MGAT3: variants seen among roughly 807,000 people sequenced by gnomAD.
MGAT3 encodes beta-1,4-mannosyl-glycoprotein 4-beta-N-acetylglucosaminyltransferase.
MGAT3 carries 9 observed loss-of-function variants against 29.8 expected under a neutral mutation model. The ratio of observed to expected loss-of-function variants is 0.30; its 90% CI spans 0.18 to 0.53. The LOEUF (loss-of-function observed/expected upper bound fraction) is 0.53. Ranked by LOEUF, MGAT3 falls within the 20% of genes least tolerant of loss-of-function variation. The probability of loss-of-function intolerance (pLI) is 0.96; values close to 1 mark genes in which losing one functional copy is unlikely to be tolerated. For missense variants in MGAT3, 557 were observed against 769.5 expected (o/e 0.72, Z 3.27); for synonymous variants, 397 against 348.9 (o/e 1.14, Z -1.54).
rs78401080 is a variant in MGAT3 at position 39,475,616 on chromosome 22, G to A, written c.-1-11731G>A. Among the ~76,000 whole-genome samples the A allele has an allele frequency of 3.2e-3, 485 of 152,286 alleles. 2 individuals carry two copies. Among genetic ancestry groups the A allele is most frequent in the African/African-American group, 0.011 (474 of 41,562 alleles). ...CTGGCCCTCCCCTTCATCACGGGCC[G>A]TCTCTCAGGCTTGGCGCCCTGGGAT... is the stretch of plus-strand genomic sequence containing the variant. On this transcript the variant is annotated intron_variant, in intron 1 of 1. Transcript: ENST00000341184.
intron 1 of MGAT3, chr22:39,472,690 C>G (rs1371633559): frequency 6.6e-6 from 1 of 152,264 alleles, no homozygotes; most frequent in East Asian, 1.9e-4. Flanking sequence ...GTGAGGTGAC[C>G]TAGCTGGAAA....
chr22:39,479,159 A>G (rs949406878), intron 1 of MGAT3, among the ~76,000 whole-genome samples: 3 of 152,322 alleles, frequency 2.0e-5, no homozygotes, highest in Admixed American at 1.3e-4. Flanking sequence ...CAATGTAGGG[A>G]GACCTCCTCT....
At chr22:39,458,485 CG>C (rs1363641128) in intron 1 of MGAT3, among the ~76,000 whole-genome samples, 1 of 151,760 alleles carries the variant, frequency 6.6e-6, no homozygotes, top group Non-Finnish European at 1.5e-5. Flanking sequence ...ACTGGCGTGT[CG>C]TTTGGGGAGG....
chr22:39,460,428 C>A (rs1467354695), intron 1 of MGAT3, among the ~76,000 whole-genome samples: 1 of 152,174 alleles, frequency 6.6e-6, no homozygotes, highest in Non-Finnish European at 1.5e-5. Flanking sequence ...CGGTTCAAAT[C>A]CCGGCCCTGC....
In MGAT3 at chr22:39,487,630, C is replaced by CGG. The variant is rs1569006487; in HGVS notation, c.285_286dup (p.Val96GlyfsTer59). The CGG allele has an allele frequency of 6.2e-7, 1 of 1,611,488 alleles. No homozygotes were observed. Reference sequence around the variant, plus strand: ...CAGCAAGGCGGCCGAGGAGCTCCACCGGGTGGACTTGGTGCTGCCCGAGGA... The same window carrying CGG: ...CAGCAAGGCGGCCGAGGAGCTCCACCGGGGGTGGACTTGGTGCTGCCCGAGGA... On this transcript the variant is annotated frameshift_variant, in exon 2 of 2. Coordinates refer to ENST00000341184, the MANE Select transcript of MGAT3 (RefSeq NM_002409.5). LOFTEE classifies it high-confidence loss of function. The surrounding 1 kb of genome is among the most constrained non-coding windows in gnomAD (Gnocchi z 5.7).
In MGAT3 at chr22:39,457,778, C is replaced by T. The variant is rs1363529613; in HGVS notation, c.-2+221C>T. Among the ~76,000 whole-genome samples, 1 of 151,012 alleles carries T rather than the reference C, an allele frequency of 6.6e-6. No homozygotes were observed. Among genetic ancestry groups the T allele is most frequent in the Non-Finnish European group, 1.5e-5 (1 of 67,510 alleles). On this transcript the variant is annotated intron_variant, in intron 1 of 1. Transcript: ENST00000341184. This position sits in a 1 kb window ranked among gnomAD's most constrained non-coding sequence, Gnocchi z 6.8. ...TCGGCGCGGGCCCCCTCCCCCTACC[C>T]GCCGCTCCTCCGAGCTCCCCGGTCC...
intron 1 of MGAT3, chr22:39,472,825 A>T (rs926593283): frequency 1.3e-5 from 2 of 152,292 alleles, no homozygotes; most frequent in African/African-American, 4.8e-5. Flanking sequence ...AACTGCTGCC[A>T]TAGAGCCTTG....
chr22:39,464,345 G>T (rs1928577528), intron 1 of MGAT3, among the ~76,000 whole-genome samples: 1 of 152,240 alleles, frequency 6.6e-6, no homozygotes, highest in Non-Finnish European at 1.5e-5. Flanking sequence ...AGAGCTGCAG[G>T]TGACTGGGGA....
At position 39,488,244 on chromosome 22, in the gene MGAT3, C is replaced by T. The variant is rs148481219; in HGVS notation, c.897C>T (p.Asp299=). The T allele has an allele frequency of 1.0e-4, 168 of 1,611,698 alleles. No individual in the cohort carries two copies. The African/African-American group carries it at 1.8e-3, about 17-fold the overall frequency. The part of the protein sequence containing the change: ...DDYLRTFLTQ[D]GVSRLRNLRP... Reference sequence around the variant, plus strand: ...ACCTGCGCACCTTCCTCACCCAGGACGGCGTCTCGCGGCTGCGCAACCTGC... The same window carrying T: ...ACCTGCGCACCTTCCTCACCCAGGATGGCGTCTCGCGGCTGCGCAACCTGC... The change falls in exon 2 of 2, where the codon GAC becomes GAT. Residue 299 remains aspartate, a synonymous_variant. Coordinates refer to ENST00000341184, the MANE Select transcript of MGAT3 (RefSeq NM_002409.5).
Position 39,487,392 on chromosome 22 carries a change from C to T in MGAT3, c.45C>T (p.Ala15=), listed in dbSNP as rs754167788. The change falls in exon 2 of 2, where the codon GCC becomes GCT. Residue 15 remains alanine (A), a synonymous_variant. Transcript: ENST00000341184. This position sits in a 1 kb window ranked among gnomAD's most constrained non-coding sequence, Gnocchi z 5.7. ...RYKLFLMFCM[A]GLCLISFLHF... is the part of the protein sequence containing the mutation. ...AGCTCTTTCTCATGTTCTGTATGGC[C>T]GGCCTGTGCCTCATCTCCTTCCTGC... The T allele has an allele frequency of 3.7e-6, 6 of 1,613,596 alleles. No homozygotes were observed. Among genetic ancestry groups the T allele is most frequent in the Admixed American group, 3.3e-5 (2 of 60,008 alleles).
At chr22:39,458,490 G>A (rs1928405129) in intron 1 of MGAT3, among the ~76,000 whole-genome samples, 1 of 152,070 alleles carries the variant, frequency 6.6e-6, no homozygotes, top group Non-Finnish European at 1.5e-5. Context: ...CGTGTCGTTT[G>A]GGGAGGGGGA....
At chr22:39,473,452 T>C (rs536420613) in intron 1 of MGAT3, among the ~76,000 whole-genome samples, 4 of 152,302 alleles carry the variant, frequency 2.6e-5, no homozygotes, top group African/African-American at 9.6e-5. Context: ...AACCCACTCC[T>C]ACAATAGCAG....
At chr22:39,466,228 C>T (rs941270644) in intron 1 of MGAT3, among the ~76,000 whole-genome samples, 2 of 152,132 alleles carry the variant, frequency 1.3e-5, no homozygotes, top group Non-Finnish European at 2.9e-5. Context: ...CGGAGACAGC[C>T]GGCTCCTGCT....
At chr22:39,474,598 G>T (rs1483129618) in intron 1 of MGAT3, among the ~76,000 whole-genome samples, 2 of 152,328 alleles carry the variant, frequency 1.3e-5, no homozygotes, top group East Asian at 3.9e-4. Flanking sequence ...GGCTCCCACT[G>T]CCTCCTGGCT....
intron 1 of MGAT3, among the ~76,000 whole-genome samples, chr22:39,461,715 A>T (rs1928501961): frequency 6.6e-6 from 1 of 152,072 alleles, no homozygotes; most frequent in African/African-American, 2.4e-5. Context: ...CCCAAGTCAG[A>T]CAGACCCATC....
At chr22:39,460,908 C>T (rs1455690638) in intron 1 of MGAT3, among the ~76,000 whole-genome samples, 2 of 152,006 alleles carry the variant, frequency 1.3e-5, no homozygotes, top group South Asian at 2.1e-4. Flanking sequence ...ACGAGTCTCC[C>T]GATTCACCCC....
At chr22:39,477,293 C>T (rs540748490) in intron 1 of MGAT3, among the ~76,000 whole-genome samples, 138 of 152,362 alleles carry the variant, frequency 9.1e-4, no homozygotes, top group Middle Eastern at 6.8e-3. Flanking sequence ...GAGGAGTCTG[C>T]AGGCCTCGGC....
At chr22:39,464,571 G>T (rs1484074363) in intron 1 of MGAT3, among the ~76,000 whole-genome samples, 1 of 150,920 alleles carries the variant, frequency 6.6e-6, no homozygotes, top group Non-Finnish European at 1.5e-5. Context: ...TTCCCAGGTA[G>T]CTGGGATTAT....
chr22:39,482,903 C>A (rs906077380), intron 1 of MGAT3, among the ~76,000 whole-genome samples: 3 of 152,220 alleles, frequency 2.0e-5, no homozygotes, highest in Non-Finnish European at 4.4e-5. Flanking sequence ...AGCTCCCAAG[C>A]ACTGGTGAGT....
Sources: gnomAD v4.1 joint callset for allele counts (sites outside exome capture counted in the v4.1 genomes callset) on GRCh38, gnomAD v4.1.1 for gene constraint, Gnocchi (gnomAD v3.1) non-coding constraint, MANE v1.5 for transcripts, NCBI Gene and HGNC (gene_info 2026-07-23, HGNC 2026-07-21) for gene names.